The following PDE4A variants were observed in gnomAD, a reference collection of about 807,000 sequenced individuals.
PDE4A encodes the protein 3',5'-cyclic-AMP phosphodiesterase 4A.
In PDE4A, 21 loss-of-function variants were observed where a neutral mutation model predicts 73.9. The observed-to-expected ratio is 0.28, with a 90% confidence interval of 0.20 to 0.41. The LOEUF is 0.41. Ranked by LOEUF, PDE4A falls within the 10% of genes least tolerant of loss-of-function variation. The pLI, the probability that PDE4A is intolerant of heterozygous loss-of-function variation, is 1.00. For synonymous variants in PDE4A, 463 were observed against 505.4 expected (o/e 0.92, Z 1.13); for missense variants, 958 against 1,211.4 (o/e 0.79, Z 3.10).
chr19:10,432,182 G>T (rs868592657), intron 1 of PDE4A, among the ~76,000 whole-genome samples: 4,669 of 142,578 alleles, frequency 0.033, 708 homozygotes, highest in African/African-American at 0.11. Flanking sequence ...GAGACGGGGG[G>T]GGGGGGGGGA....
rs575536432 is a variant in PDE4A at position 10,458,218 on chromosome 19, G to C, written c.1101+116G>C. On this transcript the variant is annotated intron_variant, in intron 8 of 14. Transcript: ENST00000380702. This position sits in a 1 kb window ranked among gnomAD's most constrained non-coding sequence, Gnocchi z 4.6. Reference sequence around the variant, plus strand: ...GTTTCCCAGAAGCAGAGCTTGAGATGAGGGTTTGAGCCCATCTTGAGGCAA... The same window carrying C: ...GTTTCCCAGAAGCAGAGCTTGAGATCAGGGTTTGAGCCCATCTTGAGGCAA... 2 of 957,362 alleles carry C rather than the reference G, an allele frequency of 2.1e-6. No homozygotes were observed. The highest frequency in any genetic ancestry group is 2.3e-5 in the Admixed American group (1 of 44,100). 59.3% of individuals were successfully genotyped at this position (957,362 alleles called of 1,614,324 possible).
intron 6 of PDE4A, among the ~76,000 whole-genome samples, chr19:10,454,288 G>T (rs115405442): frequency 0.023 from 3,527 of 152,186 alleles, 135 homozygotes; most frequent in African/African-American, 0.08. Context: ...TGGCTACCAC[G>T]TTCCCTTTTT....
chr19:10,420,633 C>A lies in PDE4A; in HGVS notation c.-132C>A. 6 of 1,344,894 alleles carry A rather than the reference C, an allele frequency of 4.5e-6. No homozygotes were observed. Among genetic ancestry groups the A allele is most frequent in the South Asian group, 1.9e-5 (1 of 53,540 alleles). The allele number at this position is 1,344,894 out of a possible 1,614,324, so 83.3% of individuals were successfully genotyped here. A position where few individuals can be genotyped will look rare whatever the true frequency, so the allele number is the denominator to read the frequency against. Reference sequence around the variant, plus strand: ...TGGCCCGCAGCGCCCCCGGGTCTGTCCCCGGGGCGCCATGGCCCTACCGCG... The same window carrying A: ...TGGCCCGCAGCGCCCCCGGGTCTGTACCCGGGGCGCCATGGCCCTACCGCG... On this transcript the variant is annotated 5_prime_UTR_variant, in exon 1 of 15. Coordinates refer to ENST00000380702, the MANE Select transcript of PDE4A (RefSeq NM_001111307.2). This position sits in a 1 kb window ranked among gnomAD's most constrained non-coding sequence, Gnocchi z 6.0.
intron 4 of PDE4A, 168 bp from the exon 5 acceptor site, chr19:10,450,435 G>A (rs904734696): frequency 4.2e-6 from 4 of 948,176 alleles, no homozygotes; most frequent in Non-Finnish European, 5.0e-6. Flanking sequence ...CTATAAAATG[G>A]ATTTTTCTGG....
At chr19:10,449,711 C>G (rs1038359575) in intron 4 of PDE4A, among the ~76,000 whole-genome samples, 5 of 152,074 alleles carry the variant, frequency 3.3e-5, no homozygotes, top group African/African-American at 1.2e-4. Flanking sequence ...GGTGGTGAGG[C>G]CACAGCCACA....
intron 10 of PDE4A, among the ~76,000 whole-genome samples, chr19:10,460,410 A>G (rs2043244256): frequency 1.3e-5 from 2 of 151,438 alleles, no homozygotes; most frequent in Non-Finnish European, 2.9e-5. Flanking sequence ...GAGGCAGGAG[A>G]ATCGCTGGAA....
Position 10,442,914 on chromosome 19 carries a change from A to G in PDE4A, c.321-3304A>G, listed in dbSNP as rs999316793. On this transcript the variant is annotated intron_variant, in intron 1 of 14. Transcript: ENST00000380702. Reference sequence around the variant, plus strand: ...ATGTATGCAATATTAGCAATATTGCATATGCATATATAATACTAGCAATAT... The same window carrying G: ...ATGTATGCAATATTAGCAATATTGCGTATGCATATATAATACTAGCAATAT... Among the ~76,000 whole-genome samples the G allele has an allele frequency of 1.9e-4, 28 of 150,898 alleles. No individual in the cohort carries two copies. In the South Asian group the frequency reaches 1.9e-3, roughly 10 times the overall value.
At chr19:10,454,707 T>G in intron 6 of PDE4A, 122 bp from the exon 7 acceptor site, 1 of 1,539,844 alleles carries the variant, frequency 6.5e-7, no homozygotes, top group East Asian at 2.3e-5. Flanking sequence ...AGGGGCTCTG[T>G]TGGCTGAGCA....
At chr19:10,461,293 G>T (rs1414801254) in intron 11 of PDE4A, 190 bp downstream of exon 11, 9 of 841,948 alleles carry the variant, frequency 1.1e-5, no homozygotes, top group Non-Finnish European at 1.3e-5. Flanking sequence ...GGGGATGGCC[G>T]GGCAGGAGGC....
chr19:10,424,871 G>A lies in PDE4A; in HGVS notation c.320+3787G>A, dbSNP rs1415533390. ...CCTTGGCTCTGCGCTTCCTGCCCGG[G>A]AAACAGAGACCATGGGACTTGCCCA... On this transcript the variant is annotated intron_variant, in intron 1 of 14. Coordinates refer to ENST00000380702, the MANE Select transcript of PDE4A (RefSeq NM_001111307.2). The surrounding 1 kb of genome is among the most constrained non-coding windows in gnomAD (Gnocchi z 4.8). Among the ~76,000 whole-genome samples the A allele has an allele frequency of 6.6e-6, 1 of 152,244 alleles. No individual in the cohort carries two copies. Among genetic ancestry groups the A allele is most frequent in the Non-Finnish European group, 1.5e-5 (1 of 68,046 alleles).
chr19:10,438,966 A>G (rs1308843715), intron 1 of PDE4A, among the ~76,000 whole-genome samples: 2 of 152,146 alleles, frequency 1.3e-5, no homozygotes, highest in African/African-American at 4.8e-5. Context: ...ATTCCATTCA[A>G]TGGATATAAC....
Position 10,420,568 on chromosome 19 carries a change from G to A in PDE4A, c.-197G>A. The A allele has an allele frequency of 8.0e-7, 1 of 1,246,602 alleles. No individual in the cohort carries two copies. Among genetic ancestry groups the A allele is most frequent in the South Asian group, 3.1e-5 (1 of 32,544 alleles). The allele number at this position is 1,246,602 out of a possible 1,614,324, so 77.2% of individuals were successfully genotyped here. A position where few individuals can be genotyped will look rare whatever the true frequency, so the allele number is the denominator to read the frequency against. On this transcript the variant is annotated 5_prime_UTR_variant, in exon 1 of 15. Transcript: ENST00000380702. The surrounding 1 kb of genome is among the most constrained non-coding windows in gnomAD (Gnocchi z 6.0). ...CCGCCGGGCACTGAGCAGAGCTCCA[G>A]GCGCCGAAAGGAAGCTGCAGAGCCC...
At chr19:10,441,937 G>A (rs1051882527) in intron 1 of PDE4A, among the ~76,000 whole-genome samples, 6 of 151,612 alleles carry the variant, frequency 4.0e-5, no homozygotes, top group South Asian at 4.2e-4. Flanking sequence ...TGATCTGCCC[G>A]CTTCAGGCCT....
chr19:10,433,572 C>A (rs1334839555), intron 1 of PDE4A, among the ~76,000 whole-genome samples: 1 of 152,162 alleles, frequency 6.6e-6, no homozygotes, highest in South Asian at 2.1e-4. Context: ...ACACAGGCAC[C>A]CATGAGCACC....
intron 1 of PDE4A, among the ~76,000 whole-genome samples, chr19:10,439,719 G>A (rs2042911527): frequency 6.6e-6 from 1 of 152,098 alleles, no homozygotes; most frequent in Non-Finnish European, 1.5e-5. Context: ...GAGACGGGGT[G>A]GATGGAGGTA....
intron 7 of PDE4A, among the ~76,000 whole-genome samples, chr19:10,457,431 C>CGGGGGGGGGGGG (rs372266239): frequency 5.1e-5 from 2 of 39,398 alleles, no homozygotes; most frequent in Non-Finnish European, 9.1e-5. Flanking sequence ...CCAAGGTGGG[C>CGGGGGGGGGGGG]GGGGGGGGGG....
At chr19:10,462,095 C>G in intron 13 of PDE4A, 96 bp downstream of exon 13, 1 of 928,770 alleles carries the variant, frequency 1.1e-6, no homozygotes, top group Non-Finnish European at 1.6e-6. Context: ...GCCTCTTTCT[C>G]CCAAGTGGCC....
At chr19:10,433,660 C>G (rs547775896) in intron 1 of PDE4A, among the ~76,000 whole-genome samples, 10 of 152,308 alleles carry the variant, frequency 6.6e-5, no homozygotes, top group African/African-American at 2.4e-4. Context: ...ACAGACCTCC[C>G]TCTCCCCCAG....
In PDE4A at chr19:10,453,030, T is replaced by C; in HGVS notation, c.784-1799T>C. On this transcript the variant is annotated intron_variant, in intron 6 of 14. Transcript: ENST00000380702. The surrounding 1 kb of genome is among the most constrained non-coding windows in gnomAD (Gnocchi z 4.6). ...CGGACCCCCCACCGCCTCCACCCAC[T>C]GCCGCGGGGGGGCCCGTTGGGGCCC... 1 of 1,331,566 alleles carries C rather than the reference T, an allele frequency of 7.5e-7. No homozygotes were observed. Among genetic ancestry groups the C allele is most frequent in the Non-Finnish European group, 9.6e-7 (1 of 1,041,902 alleles). The allele number at this position is 1,331,566 out of a possible 1,614,324, so 82.5% of individuals were successfully genotyped here.
Sources: gnomAD v4.1 joint callset for allele counts (sites outside exome capture counted in the v4.1 genomes callset) on GRCh38, gnomAD v4.1.1 for gene constraint, Gnocchi (gnomAD v3.1) non-coding constraint, MANE v1.5 for transcripts, NCBI Gene and HGNC (gene_info 2026-07-23, HGNC 2026-07-21) for gene names.